The following FRMPD3 variants were observed in gnomAD, a reference collection of about 807,000 sequenced individuals.
The protein encoded by FRMPD3 is FERM and PDZ domain containing 3.
In FRMPD3, 42 loss-of-function variants were observed where a neutral mutation model predicts 97.9. That is an observed-to-expected ratio of 0.43 (90% CI 0.34 to 0.55). FRMPD3 has a LOEUF of 0.55. Among genes scored for constraint, FRMPD3 ranks in the 20% least tolerant of loss-of-function variants. The pLI, the probability that FRMPD3 is intolerant of heterozygous loss-of-function variation, is 0.03. For missense variants in FRMPD3, 1,303 were observed against 1,457.7 expected, an observed-to-expected ratio of 0.89 and a Z score of 1.73; for synonymous variants, 577 against 581.1, an observed-to-expected ratio of 0.99 and a Z score of 0.10.
intron 1 of FRMPD3, among the ~76,000 whole-genome samples, chrX:107,489,405 C>T (rs1367616688): frequency 9.0e-6 from 1 of 111,599 alleles, no homozygotes. Flanking sequence ...CCTGAGGAAT[C>T]GCCACACTGA....
In FRMPD3 at chrX:107,602,856, G is replaced by A. The variant is rs1329734991; in HGVS notation, c.4817G>A (p.Arg1606Gln). The A allele has an allele frequency of 6.6e-6, 8 of 1,210,093 alleles. No homozygotes were observed. The highest frequency in any genetic ancestry group is 2.2e-5 in the Admixed American group (1 of 46,043). Residue 1606 changes from arginine to glutamine, a missense_variant, in exon 15 of 15, where the codon CGG becomes CAG. Arg to Gln is a conservative substitution (Grantham distance 43, BLOSUM62 1). Transcript: ENST00000683843. ...LDTNELLTVL[R>Q]QCVASPEARA... ...ACCAACGAGCTGCTGACAGTCCTGC[G>A]GCAGTGTGTGGCCAGCCCCGAGGCC...
At chrX:107,562,281 G>A (rs1315839248) in intron 10 of FRMPD3, among the ~76,000 whole-genome samples, 3 of 112,627 alleles carry the variant, frequency 2.7e-5, no homozygotes, top group African/African-American at 6.5e-5. Flanking sequence ...GGCCAGAGAG[G>A]TTGGCAGGAG....
At chrX:107,454,215 T>C (rs1931339966) in intron 1 of FRMPD3, among the ~76,000 whole-genome samples, 1 of 111,375 alleles carries the variant, frequency 9.0e-6, no homozygotes, top group Non-Finnish European at 1.9e-5. Flanking sequence ...TTCTTCTTAC[T>C]ACCCCTCAAA....
At chrX:107,595,305 A>G (rs1015063799) in intron 13 of FRMPD3, among the ~76,000 whole-genome samples, 21 of 109,994 alleles carry the variant, frequency 1.9e-4, no homozygotes, top group African/African-American at 6.7e-4. Flanking sequence ...TGACAGAGCA[A>G]GACCCTGTAT....
intron 4 of FRMPD3, 155 bp from the exon 5 acceptor site, chrX:107,545,582 T>C: frequency 2.3e-6 from 1 of 434,356 alleles, no homozygotes; most frequent in Non-Finnish European, 4.0e-6. Flanking sequence ...ATTTAGCACA[T>C]TGCCTTGCAA....
intron 13 of FRMPD3, among the ~76,000 whole-genome samples, chrX:107,582,002 G>A (rs1923412217): frequency 9.0e-6 from 1 of 111,249 alleles, no homozygotes; most frequent in South Asian, 3.8e-4. Flanking sequence ...GGGGACATAT[G>A]TTTTCCTTTC....
intron 13 of FRMPD3, among the ~76,000 whole-genome samples, chrX:107,583,033 T>C (rs1309343776): frequency 8.9e-6 from 1 of 112,328 alleles, no homozygotes; most frequent in Non-Finnish European, 1.9e-5. Context: ...TCTCCTTTAA[T>C]TTCTTTCATA....
chrX:107,530,323 C>A, intron 2 of FRMPD3, 86 bp from the exon 3 acceptor site: 1 of 696,219 alleles, frequency 1.4e-6, no homozygotes, highest in Non-Finnish European at 2.2e-6. Context: ...CCTGCTTCAG[C>A]TCCTACAGGC....
chrX:107,463,918 T>G (rs2147889049), intron 1 of FRMPD3, among the ~76,000 whole-genome samples: 1 of 112,284 alleles, frequency 8.9e-6, no homozygotes, highest in East Asian at 2.8e-4. Context: ...TGTGATGATT[T>G]CAGGTGGAAG....
At chrX:107,450,562 CCACACACACACACA>C (rs561898459) in intron 1 of FRMPD3, among the ~76,000 whole-genome samples, 1 of 84,301 alleles carries the variant, frequency 1.2e-5, no homozygotes, top group Non-Finnish European at 2.2e-5. Context: ...CATGCAAAGA[CCACACACACACACA>C]CACACACACA....
chrX:107,485,344 G>A (rs1288236825), intron 1 of FRMPD3, among the ~76,000 whole-genome samples: 1 of 112,428 alleles, frequency 8.9e-6, no homozygotes, highest in Non-Finnish European at 1.9e-5. Flanking sequence ...TTCTTTTCGG[G>A]AGAAGGGGTG....
chrX:107,520,656 A>AAAC (rs1000813977), intron 1 of FRMPD3, among the ~76,000 whole-genome samples: 10 of 111,299 alleles, frequency 9.0e-5, no homozygotes, highest in African/African-American at 2.0e-4. Context: ...CTCAAAAACA[A>AAAC]AACAACAACA....
intron 13 of FRMPD3, among the ~76,000 whole-genome samples, chrX:107,591,051 T>C (rs1309075974): frequency 8.9e-6 from 1 of 111,964 alleles, no homozygotes; most frequent in East Asian, 2.8e-4. Flanking sequence ...GGGAGGAGTT[T>C]TAATTCCTAT....
chrX:107,501,589 C>T (rs1921912870), intron 1 of FRMPD3, among the ~76,000 whole-genome samples: 1 of 98,716 alleles, frequency 1.0e-5, no homozygotes, highest in Non-Finnish European at 2.0e-5. Context: ...CTGGCTGCAC[C>T]TTAGAATCAC....
rs1473625157 is a variant in FRMPD3, at chrX:107,483,319, C to T, written c.-8+33314C>T. 2.7e-5 allele frequency among the ~76,000 whole-genome samples: 3 copies of T among 112,298 alleles called. No individual in the cohort carries two copies. In the Admixed American group the frequency reaches 2.8e-4, roughly 11 times the overall value. On this transcript the variant is annotated intron_variant, in intron 1 of 14. Coordinates refer to ENST00000683843, the MANE Select transcript of FRMPD3 (RefSeq NM_001388459.1). ...TAGTGTTTGTGGGGCTGCATTCACC[C>T]AGAAGGAGTAACTTTTTCTGAGCTT...
chrX:107,504,616 G>C (rs1372453662), intron 1 of FRMPD3, among the ~76,000 whole-genome samples: 1 of 111,996 alleles, frequency 8.9e-6, no homozygotes, highest in African/African-American at 3.3e-5. Context: ...TGGCTTATAG[G>C]GGGTGAGAAG....
chrX:107,600,070 A>G (rs1419752834), intron 14 of FRMPD3, among the ~76,000 whole-genome samples: 1 of 112,058 alleles, frequency 8.9e-6, no homozygotes, highest in East Asian at 2.8e-4. Flanking sequence ...TAGCATTTAC[A>G]TTGTGTGAGG....
chrX:107,546,870 C>T (rs1490441692), intron 5 of FRMPD3, among the ~76,000 whole-genome samples: 2 of 111,412 alleles, frequency 1.8e-5, no homozygotes, highest in South Asian at 3.8e-4. Context: ...GGGTGCCAGG[C>T]GCTTCTATAT....
At chrX:107,568,496 A>T (rs1189033712) in intron 12 of FRMPD3, among the ~76,000 whole-genome samples, 2 of 98,989 alleles carry the variant, frequency 2.0e-5, no homozygotes, top group Non-Finnish European at 4.1e-5. Flanking sequence ...GATCACTTGA[A>T]GTCAGGAGTT....
Sources: allele counts gnomAD v4.1 joint callset (sites outside exome capture counted in the v4.1 genomes callset), GRCh38; gene constraint gnomAD v4.1.1; transcripts MANE v1.5; gene names NCBI Gene and HGNC (gene_info 2026-07-23, HGNC 2026-07-21).